Variants in SPTBN4 observed in about 807,000 individuals in gnomAD.
SPTBN4 encodes spectrin beta chain, non-erythrocytic 4.
In SPTBN4, 96 loss-of-function variants were observed where a neutral mutation model predicts 277.8. The ratio of observed to expected loss-of-function variants is 0.35; its 90% confidence interval spans 0.29 to 0.41. The LOEUF is 0.41. SPTBN4 is among the 10% of genes least tolerant of loss of function. The probability of loss-of-function intolerance (pLI) is 1.00; values close to 1 mark genes in which losing one functional copy is unlikely to be tolerated. For missense variants in SPTBN4, 3,006 were observed against 3,595.7 expected, an observed-to-expected ratio of 0.84 and a Z score of 4.19; for synonymous variants, 1,481 against 1,580.3, an observed-to-expected ratio of 0.94 and a Z score of 1.49.
At position 40,493,054 on chromosome 19, in the gene SPTBN4, G is replaced by C; in HGVS notation, c.587G>C (p.Gly196Ala). Reference sequence around the variant, plus strand: ...TTGTGGTGTCAGATGAAGACAGCTGGGTAAGCACCCCCACCACCTTCCTTA... The same window carrying C: ...TTGTGGTGTCAGATGAAGACAGCTGCGTAAGCACCCCCACCACCTTCCTTA... Reference protein sequence around the residue: ...LLLWCQMKTAGYPEVNIQNFT... With the variant: ...LLLWCQMKTAAYPEVNIQNFT... The change falls in exon 5 of 36, where the codon GGT becomes GCT. Residue 196 changes from glycine to alanine, a missense_variant and splice_region_variant. Transcript: ENST00000598249. The C allele has an allele frequency of 6.2e-7, 1 of 1,613,956 alleles. No homozygotes were observed. The highest frequency in any genetic ancestry group is 8.5e-7 in the Non-Finnish European group (1 of 1,179,934).
chr19:40,561,784 T>C (rs1274700606), intron 27 of SPTBN4, among the ~76,000 whole-genome samples: 1 of 145,236 alleles, frequency 6.9e-6, no homozygotes, highest in South Asian at 2.1e-4. Flanking sequence ...ATCGTGCCAC[T>C]GCACTCCAGC....
In SPTBN4 at chr19:40,539,792, C is replaced by A. The variant is rs142187939; in HGVS notation, c.4359+5449C>A. Among the ~76,000 whole-genome samples the A allele has an allele frequency of 8.2e-3, 1,236 of 151,332 alleles. 6 individuals carry two copies. Among genetic ancestry groups the A allele is most frequent in the South Asian group, 0.013 (64 of 4,784 alleles). On this transcript the variant is annotated intron_variant, in intron 20 of 35. Coordinates refer to ENST00000598249, the MANE Select transcript of SPTBN4 (RefSeq NM_020971.3). Reference sequence around the variant, plus strand: ...ACCGCGCCTGGCTGTGCCTCATTTTCTTCTTCAGTAAAATGGGCATAATGA... The same window carrying A: ...ACCGCGCCTGGCTGTGCCTCATTTTATTCTTCAGTAAAATGGGCATAATGA...
intron 6 of SPTBN4, among the ~76,000 whole-genome samples, chr19:40,495,277 C>T (rs2080183683): frequency 6.6e-6 from 1 of 152,106 alleles, no homozygotes; most frequent in African/African-American, 2.4e-5. Flanking sequence ...GCACAGCCTG[C>T]CCGCAGGGTA....
chr19:40,556,190 C>A lies in SPTBN4; in HGVS notation c.5191C>A (p.Gln1731Lys). Reference protein sequence around the residue: ...VALEQQYWLYQLSRQVSELEH... With the variant: ...VALEQQYWLYKLSRQVSELEH... ...TCTGGAACAGCAGTACTGGCTGTAC[C>A]AGCTCAGCCGCCAGGTGAGCGAGCT... The change falls in exon 25 of 36, where the codon CAG (glutamine) becomes AAG (lysine). Residue 1731 changes from glutamine to lysine, a missense_variant. This residue lies in a region of SPTBN4 where 425 missense variants were observed against 594.7 expected (regional missense o/e 0.71). Coordinates refer to ENST00000598249, the MANE Select transcript of SPTBN4 (RefSeq NM_020971.3). 4 of 1,613,644 alleles carry A rather than the reference C, an allele frequency of 2.5e-6. No individual in the cohort carries two copies. The highest frequency in any genetic ancestry group is 3.4e-6 in the Non-Finnish European group (4 of 1,180,008).
chr19:40,554,459 G>A lies in SPTBN4; in HGVS notation c.4953+34G>A. The A allele has an allele frequency of 6.6e-7, 1 of 1,509,746 alleles. No individual in the cohort carries two copies. The highest frequency in any genetic ancestry group is 8.9e-7 in the Non-Finnish European group (1 of 1,125,800). 93.5% of individuals were successfully genotyped at this position (1,509,746 alleles called of 1,614,324 possible). A position where few individuals can be genotyped will look rare whatever the true frequency, so the allele number is the denominator to read the frequency against. On this transcript the variant is annotated intron_variant, in intron 23 of 35. Coordinates refer to ENST00000598249, the MANE Select transcript of SPTBN4 (RefSeq NM_020971.3). This position sits in a 1 kb window ranked among gnomAD's most constrained non-coding sequence, Gnocchi z 5.7. ...GAGCTGGGGGTGCGGAGGGCCTGGG[G>A]GCGCTGGAGCCGGGGGCCGCCGCTG...
chr19:40,483,120 T>G (rs959878638), intron 2 of SPTBN4, among the ~76,000 whole-genome samples: 2 of 152,108 alleles, frequency 1.3e-5, no homozygotes, highest in African/African-American at 4.8e-5. Context: ...CAAATCCCTC[T>G]TTTTGCGAAT....
intron 17 of SPTBN4, 114 bp from the exon 18 acceptor site, chr19:40,528,927 C>A: frequency 1.3e-6 from 1 of 744,432 alleles, no homozygotes; most frequent in Non-Finnish European, 2.3e-6. Context: ...CTCTCTCTTA[C>A]ATATTTTCCA....
intron 17 of SPTBN4, among the ~76,000 whole-genome samples, chr19:40,528,613 G>A (rs576847812): frequency 1.4e-4 from 22 of 152,126 alleles, no homozygotes; most frequent in African/African-American, 5.3e-4. Context: ...TGCTCCCTGA[G>A]TTTCTTTCTG....
Position 40,490,863 on chromosome 19 carries a change from C to T in SPTBN4, c.495+615C>T, listed in dbSNP as rs183216879. Among the ~76,000 whole-genome samples the T allele has an allele frequency of 6.0e-4, 92 of 152,072 alleles. No homozygotes were observed. Among genetic ancestry groups the T allele is most frequent in the South Asian group, 2.3e-3 (11 of 4,812 alleles). ...AGGAGTTTGAGACCAGCCTGGCCAA[C>T]ATAATGAGACCTTAAATAAATTTAA... On this transcript the variant is annotated intron_variant, in intron 4 of 35. Transcript: ENST00000598249. This position sits in a 1 kb window ranked among gnomAD's most constrained non-coding sequence, Gnocchi z 4.3.
Position 40,562,969 on chromosome 19 carries a change from G to A in SPTBN4, c.5916-2454G>A, listed in dbSNP as rs149835051. On this transcript the variant is annotated intron_variant, in intron 27 of 35. Transcript: ENST00000598249. ...GCTCACGCCTGTAATCCCAACACTG[G>A]GAGGCCAAGGCAAGAGGATCACTTG... is the stretch of plus-strand genomic sequence containing the variant. Among the ~76,000 whole-genome samples, 980 of 152,276 alleles carry A rather than the reference G, an allele frequency of 6.4e-3. 12 individuals carry two copies. The highest frequency in any genetic ancestry group is 0.022 in the African/African-American group (923 of 41,544).
At position 40,572,593 on chromosome 19, in the gene SPTBN4, C is replaced by G. The variant is rs536998871; in HGVS notation, c.7536+213C>G. ...GCTTCAGGGAGGGCTGCCTGCAGATCCTGATGACAAAGTCCAACATCTTTG... is the reference window on the plus strand; with the variant it reads ...GCTTCAGGGAGGGCTGCCTGCAGATGCTGATGACAAAGTCCAACATCTTTG... On this transcript the variant is annotated intron_variant, in intron 35 of 35. Coordinates refer to ENST00000598249, the MANE Select transcript of SPTBN4 (RefSeq NM_020971.3). The G allele has an allele frequency of 1.2e-5, 7 of 587,196 alleles. No homozygotes were observed. In the East Asian group the frequency reaches 2.0e-4, roughly 17 times the overall value. The allele number at this position is 587,196 out of a possible 1,614,324, so 36.4% of individuals were successfully genotyped here.
At chr19:40,540,267 C>T (rs1442709590) in intron 20 of SPTBN4, among the ~76,000 whole-genome samples, 6 of 152,128 alleles carry the variant, frequency 3.9e-5, no homozygotes, top group Non-Finnish European at 8.8e-5. Context: ...GAGCATATCA[C>T]CATCACTCTA....
intron 21 of SPTBN4, 129 bp downstream of exon 21, chr19:40,549,542 C>T (rs1362828604): frequency 2.6e-5 from 18 of 680,436 alleles, no homozygotes; most frequent in Non-Finnish European, 4.2e-5. Context: ...ACGCATTCAG[C>T]CGTTCACTCA....
In SPTBN4 at chr19:40,554,460, G is replaced by A. The variant is rs1454992562; in HGVS notation, c.4953+35G>A. The A allele has an allele frequency of 1.3e-6, 2 of 1,507,580 alleles. No individual in the cohort carries two copies. The highest frequency in any genetic ancestry group is 2.5e-5 in the East Asian group (1 of 40,750). 93.4% of individuals were successfully genotyped at this position (1,507,580 alleles called of 1,614,324 possible). On this transcript the variant is annotated intron_variant, in intron 23 of 35. Transcript: ENST00000598249. The surrounding 1 kb of genome is among the most constrained non-coding windows in gnomAD (Gnocchi z 5.7). ...AGCTGGGGGTGCGGAGGGCCTGGGGGCGCTGGAGCCGGGGGCCGCCGCTGC... is the reference window on the plus strand; with the variant it reads ...AGCTGGGGGTGCGGAGGGCCTGGGGACGCTGGAGCCGGGGGCCGCCGCTGC...
intron 4 of SPTBN4, among the ~76,000 whole-genome samples, chr19:40,492,441 C>G (rs1399809043): frequency 2.6e-5 from 4 of 152,020 alleles, no homozygotes; most frequent in African/African-American, 9.7e-5. Flanking sequence ...GCTTGTGATT[C>G]AGGAAAAAGG....
rs2080440020 is a variant in SPTBN4 at position 40,515,204 on chromosome 19, C to G, written c.2766-107C>G. On this transcript the variant is annotated intron_variant, in intron 14 of 35. Transcript: ENST00000598249. This position sits in a 1 kb window ranked among gnomAD's most constrained non-coding sequence, Gnocchi z 4.1. ...GAAGAGAAGGAGCCCACAAAGGAGG[C>G]TGAAAAGAAGGGTGGATTGAGAATT... The G allele has an allele frequency of 4.7e-6, 6 of 1,276,474 alleles. No individual in the cohort carries two copies. The highest frequency in any genetic ancestry group is 5.2e-6 in the Non-Finnish European group (5 of 962,270). The allele number at this position is 1,276,474 out of a possible 1,614,324, so 79.1% of individuals were successfully genotyped here. A position where few individuals can be genotyped will look rare whatever the true frequency, so the allele number is the denominator to read the frequency against.
chr19:40,552,585 C>T (rs2080931174), intron 22 of SPTBN4, among the ~76,000 whole-genome samples: 1 of 151,526 alleles, frequency 6.6e-6, no homozygotes, highest in Non-Finnish European at 1.5e-5. Flanking sequence ...TGTCATTATC[C>T]TCATTTCACC....
intron 35 of SPTBN4, among the ~76,000 whole-genome samples, chr19:40,573,611 A>G (rs1462599752): frequency 1.3e-5 from 2 of 152,080 alleles, no homozygotes; most frequent in Admixed American, 6.5e-5. Context: ...CGGGTGGATC[A>G]CCTGAGGTCA....
intron 18 of SPTBN4, among the ~76,000 whole-genome samples, chr19:40,529,500 G>T (rs1191936645): frequency 6.6e-6 from 1 of 152,212 alleles, no homozygotes; most frequent in Non-Finnish European, 1.5e-5. Flanking sequence ...GGCCGTGGGG[G>T]GGCCAGCGGC....
Sources: allele counts gnomAD v4.1 joint callset (sites outside exome capture counted in the v4.1 genomes callset), GRCh38; gene constraint gnomAD v4.1.1; regional missense constraint gnomAD v4.1.1; non-coding constraint Gnocchi (gnomAD v3.1); transcripts MANE v1.5; gene names NCBI Gene and HGNC (gene_info 2026-07-23, HGNC 2026-07-21).